The following KCNQ3 variants were observed in gnomAD, a reference collection of about 807,000 sequenced individuals.
The protein encoded by KCNQ3 is potassium voltage-gated channel subfamily KQT member 3.
KCNQ3 carries 30 observed loss-of-function variants against 92.5 expected under a neutral mutation model. The ratio of observed to expected loss-of-function variants is 0.32; its 90% CI spans 0.24 to 0.44. KCNQ3 has a LOEUF of 0.44. KCNQ3 is among the 20% of genes least tolerant of loss of function. KCNQ3 has a pLI of 1.00. For synonymous variants in KCNQ3, 450 were observed against 468.8 expected, an observed-to-expected ratio of 0.96 and a Z score of 0.52; for missense variants, 913 against 1,140.3, an observed-to-expected ratio of 0.80 and a Z score of 2.87.
At position 132,319,953 on chromosome 8, in the gene KCNQ3, G is replaced by A. The variant is rs115550840; in HGVS notation, c.387-133772C>T. Among the ~76,000 whole-genome samples, 685 of 152,318 alleles carry A rather than the reference G, an allele frequency of 4.5e-3. 4 individuals carry two copies. Among genetic ancestry groups the A allele is most frequent in the African/African-American group, 0.016 (657 of 41,552 alleles). ...CCTCCCAATCCCCACAGCACCTATG[G>A]TGGCTAGCCTTGGACAAACTTAGCT... On this transcript the variant is annotated intron_variant, in intron 1 of 14. Coordinates refer to ENST00000388996, the MANE Select transcript of KCNQ3 (RefSeq NM_004519.4).
chr8:132,255,141 C>T (rs1815543144), intron 1 of KCNQ3, among the ~76,000 whole-genome samples: 1 of 151,640 alleles, frequency 6.6e-6, no homozygotes, highest in Admixed American at 6.6e-5. Context: ...GCCTTAAAAA[C>T]CAATGGCTCC....
chr8:132,144,271 T>A (rs1441490826), intron 9 of KCNQ3, among the ~76,000 whole-genome samples: 1 of 152,216 alleles, frequency 6.6e-6, no homozygotes, highest in Non-Finnish European at 1.5e-5. Context: ...CCATTGCACC[T>A]AAGAGGCTTA....
At chr8:132,152,184 G>A (rs2957031) in intron 9 of KCNQ3, among the ~76,000 whole-genome samples, 83,351 of 151,928 alleles carry the variant, frequency 0.55, 23,283 homozygotes, top group African/African-American at 0.65. Flanking sequence ...ATTGGAATAA[G>A]GAAAAAATGT....
intron 1 of KCNQ3, among the ~76,000 whole-genome samples, chr8:132,471,180 A>G (rs1822291524): frequency 6.6e-6 from 1 of 152,186 alleles, no homozygotes; most frequent in Non-Finnish European, 1.5e-5. Context: ...GCAGCTAGCT[A>G]TCAAGTTCCT....
intron 5 of KCNQ3, 67 bp downstream of exon 5, chr8:132,175,386 G>A: frequency 1.9e-6 from 3 of 1,543,086 alleles, no homozygotes; most frequent in Non-Finnish European, 2.7e-6. Flanking sequence ...CTCATGTGAT[G>A]CCCTCCACCT....
At chr8:132,330,500 A>C (rs1366838334) in intron 1 of KCNQ3, among the ~76,000 whole-genome samples, 2 of 151,994 alleles carry the variant, frequency 1.3e-5, no homozygotes, top group Non-Finnish European at 2.9e-5. Flanking sequence ...TCCTCTCGAC[A>C]CCAGCCCTTT....
chr8:132,401,851 G>A (rs538171318), intron 1 of KCNQ3, among the ~76,000 whole-genome samples: 22 of 152,324 alleles, frequency 1.4e-4, no homozygotes, highest in Middle Eastern at 3.4e-3. Flanking sequence ...GCCCTGACGT[G>A]GGGAGGGACA....
intron 1 of KCNQ3, among the ~76,000 whole-genome samples, chr8:132,410,976 CGTTAAGTCTGGGAT>C (rs1217212934): frequency 6.6e-6 from 1 of 152,178 alleles, no homozygotes; most frequent in Non-Finnish European, 1.5e-5. Flanking sequence ...ATTTTCTGAC[CGTTAAGTCTGGGAT>C]GGGCCTTAAA....
intron 1 of KCNQ3, among the ~76,000 whole-genome samples, chr8:132,283,088 C>CGTGTG: frequency 7.4e-6 from 1 of 134,876 alleles, no homozygotes; most frequent in Admixed American, 7.1e-5. Flanking sequence ...CTCTCTCTCT[C>CGTGTG]TCTCGTGTGT....
chr8:132,385,188 CA>C (rs1819858918), intron 1 of KCNQ3, among the ~76,000 whole-genome samples: 1 of 152,244 alleles, frequency 6.6e-6, no homozygotes, highest in Admixed American at 6.5e-5. Flanking sequence ...GAGATCATCC[CA>C]GCTTCAGAGA....
At chr8:132,179,525 C>A (rs764673876) in intron 4 of KCNQ3, among the ~76,000 whole-genome samples, 28 of 152,094 alleles carry the variant, frequency 1.8e-4, no homozygotes, top group Non-Finnish European at 3.7e-4. Context: ...ATGAGCTAGT[C>A]CTTGTCAAGC....
chr8:132,132,305 T>A, intron 13 of KCNQ3, 41 bp from the exon 14 acceptor site: 1 of 1,514,424 alleles, frequency 6.6e-7, no homozygotes, highest in Non-Finnish European at 9.2e-7. Flanking sequence ...ATTATATCTA[T>A]TTTTGCTATG....
chr8:132,255,021 G>GT (rs199664952), intron 1 of KCNQ3, among the ~76,000 whole-genome samples: 2,264 of 150,908 alleles, frequency 0.015, 34 homozygotes, highest in African/African-American at 0.033. Context: ...CAAGCTGACT[G>GT]TTTTTTTTTC....
chr8:132,156,392 G>C (rs1160185551), intron 9 of KCNQ3, among the ~76,000 whole-genome samples: 1 of 152,056 alleles, frequency 6.6e-6, no homozygotes. Context: ...CTAGTAGTCT[G>C]ACTCTGGACT....
chr8:132,212,764 T>C (rs1195862491), intron 1 of KCNQ3, among the ~76,000 whole-genome samples: 1 of 152,224 alleles, frequency 6.6e-6, no homozygotes, highest in Non-Finnish European at 1.5e-5. Flanking sequence ...CTCACTCTGC[T>C]TCACCTCCAC....
chr8:132,290,314 GAGA>G (rs1816801442), intron 1 of KCNQ3, among the ~76,000 whole-genome samples: 1 of 152,168 alleles, frequency 6.6e-6, no homozygotes, highest in Admixed American at 6.6e-5. Context: ...GATGAGACAA[GAGA>G]AGAAGGTGGA....
Position 132,129,225 on chromosome 8 carries a change from G to C in KCNQ3, c.*37C>G, listed in dbSNP as rs1240382754. The C allele has an allele frequency of 6.2e-7, 1 of 1,601,594 alleles. No homozygotes were observed. The highest frequency in any genetic ancestry group is 8.5e-7 in the Non-Finnish European group (1 of 1,178,818). On this transcript the variant is annotated 3_prime_UTR_variant, in exon 15 of 15. Coordinates refer to ENST00000388996, the MANE Select transcript of KCNQ3 (RefSeq NM_004519.4). This position sits in a 1 kb window ranked among gnomAD's most constrained non-coding sequence, Gnocchi z 5.9. ...AGAGTAAGTGAACTATACAAAGTCTGTCTACATTACAAGGAGGGGTCAGCC... is the reference window on the plus strand; with the variant it reads ...AGAGTAAGTGAACTATACAAAGTCTCTCTACATTACAAGGAGGGGTCAGCC...
intron 1 of KCNQ3, among the ~76,000 whole-genome samples, chr8:132,394,566 C>T (rs558967687): frequency 3.9e-5 from 6 of 152,046 alleles, no homozygotes; most frequent in Non-Finnish European, 8.8e-5. Context: ...CCTTGAAGGA[C>T]CTGAGAGAAC....
At chr8:132,317,399 C>T (rs1817773965) in intron 1 of KCNQ3, among the ~76,000 whole-genome samples, 1 of 152,166 alleles carries the variant, frequency 6.6e-6, no homozygotes, top group African/African-American at 2.4e-5. Context: ...TATAGTTTTG[C>T]AAATTCACTT....
Sources: allele counts gnomAD v4.1 joint callset (sites outside exome capture counted in the v4.1 genomes callset), GRCh38; gene constraint gnomAD v4.1.1; non-coding constraint Gnocchi (gnomAD v3.1); transcripts MANE v1.5; gene names NCBI Gene and HGNC (gene_info 2026-07-23, HGNC 2026-07-21).